PCSK5: variants seen among roughly 807,000 people sequenced by gnomAD.
PCSK5 encodes the protein proprotein convertase subtilisin/kexin type 5.
PCSK5 carries 129 observed loss-of-function variants against 233.2 expected under a neutral mutation model. The observed-to-expected ratio is 0.55, with a 90% CI of 0.48 to 0.64. The LOEUF is 0.64. Ranked by LOEUF, PCSK5 falls within the 30% of genes least tolerant of loss-of-function variation. The pLI, the probability that PCSK5 is intolerant of heterozygous loss-of-function variation, is 0.00. For missense variants in PCSK5, 2,076 were observed against 2,430.1 expected, an observed-to-expected ratio of 0.85 and a Z score of 3.06; for synonymous variants, 825 against 879.2, an observed-to-expected ratio of 0.94 and a Z score of 1.09.
At chr9:76,105,711 GA>G (rs989485343) in intron 8 of PCSK5, among the ~76,000 whole-genome samples, 2 of 152,156 alleles carry the variant, frequency 1.3e-5, no homozygotes, top group Non-Finnish European at 2.9e-5. Context: ...AAAACGTAGT[GA>G]AAGGTTTGAC....
chr9:76,068,014 T>G lies in PCSK5; in HGVS notation c.692T>G (p.Val231Gly). The change falls in exon 6 of 38, where the codon GTC (valine) becomes GGC (glycine). Residue 231 changes from valine to glycine, a missense_variant. Coordinates refer to ENST00000674117, the MANE Select transcript of PCSK5 (RefSeq NM_001372043.1). ...GCTGCAAACAATTCGCACTGCACAG[T>G]CGGAATTGCTTTCAACGCCAAGATC... Reference protein sequence around the residue: ...AAAANNSHCTVGIAFNAKIGG... With the variant: ...AAAANNSHCTGGIAFNAKIGG... The G allele has an allele frequency of 6.2e-7, 1 of 1,613,912 alleles. No homozygotes were observed. The highest frequency in any genetic ancestry group is 8.5e-7 in the Non-Finnish European group (1 of 1,179,846).
intron 20 of PCSK5, among the ~76,000 whole-genome samples, chr9:76,204,602 A>C (rs1346445513): frequency 6.6e-6 from 1 of 151,840 alleles, no homozygotes; most frequent in African/African-American, 2.4e-5. Context: ...CTGGAATCAC[A>C]GGTCCACAAT....
chr9:76,069,800 A>G (rs866589290), intron 6 of PCSK5, among the ~76,000 whole-genome samples: 3 of 152,132 alleles, frequency 2.0e-5, no homozygotes, highest in Non-Finnish European at 2.9e-5. Flanking sequence ...TTGTACCAAT[A>G]AAATAGTTTC....
intron 25 of PCSK5, among the ~76,000 whole-genome samples, chr9:76,294,703 T>C (rs1363086323): frequency 6.6e-6 from 1 of 152,060 alleles, no homozygotes; most frequent in African/African-American, 2.4e-5. Flanking sequence ...TAATCAGTAC[T>C]CTATAAATAA....
chr9:76,124,855 C>T (rs938686293), intron 9 of PCSK5, among the ~76,000 whole-genome samples: 1 of 151,782 alleles, frequency 6.6e-6, no homozygotes, highest in Non-Finnish European at 1.5e-5. Flanking sequence ...TTACTCTTTC[C>T]TGTGCATCCT....
intron 4 of PCSK5, among the ~76,000 whole-genome samples, chr9:76,024,403 G>A (rs1587513112): frequency 6.6e-6 from 1 of 152,124 alleles, no homozygotes; most frequent in Non-Finnish European, 1.5e-5. Context: ...CTGCATCTAA[G>A]TGCACTCAGA....
At chr9:76,141,100 G>A (rs1057186049) in intron 10 of PCSK5, among the ~76,000 whole-genome samples, 5 of 152,054 alleles carry the variant, frequency 3.3e-5, no homozygotes, top group Non-Finnish European at 7.4e-5. Flanking sequence ...GATATATGTC[G>A]TCAAGCTCTA....
intron 20 of PCSK5, among the ~76,000 whole-genome samples, chr9:76,202,139 G>A (rs779032163): frequency 3.3e-5 from 5 of 152,064 alleles, no homozygotes; most frequent in Non-Finnish European, 5.9e-5. Context: ...GGCAGAAACC[G>A]GAAGTCATCT....
intron 9 of PCSK5, among the ~76,000 whole-genome samples, chr9:76,121,233 A>G (rs1005351515): frequency 6.6e-6 from 1 of 151,856 alleles, no homozygotes; most frequent in Non-Finnish European, 1.5e-5. Flanking sequence ...GTGTTTCCGT[A>G]TCTGTTTAGA....
intron 30 of PCSK5, among the ~76,000 whole-genome samples, chr9:76,313,210 A>T (rs1172038039): frequency 6.6e-6 from 1 of 152,248 alleles, no homozygotes; most frequent in African/African-American, 2.4e-5. Context: ...ATTGAAGTCC[A>T]TGTGCTTAAC....
chr9:76,351,444 A>AAGGAAGG (rs1830122053), intron 36 of PCSK5, among the ~76,000 whole-genome samples: 1 of 28,138 alleles, frequency 3.6e-5, no homozygotes, highest in South Asian at 2.1e-3. Context: ...AATGTGAAAG[A>AAGGAAGG]AAGGAAAGAA....
At chr9:75,985,325 T>C (rs1175973182) in intron 2 of PCSK5, among the ~76,000 whole-genome samples, 1 of 152,232 alleles carries the variant, frequency 6.6e-6, no homozygotes, top group East Asian at 1.9e-4. Context: ...AACAAGCTTA[T>C]AACTAAATAT....
At chr9:75,974,276 G>A (rs965362634) in intron 2 of PCSK5, among the ~76,000 whole-genome samples, 1 of 152,092 alleles carries the variant, frequency 6.6e-6, no homozygotes, top group Admixed American at 6.5e-5. Flanking sequence ...AGCTCCAGCC[G>A]GTGCACTCAT....
intron 1 of PCSK5, among the ~76,000 whole-genome samples, chr9:75,924,900 C>T (rs139507846): frequency 5.7e-4 from 87 of 152,222 alleles, no homozygotes; most frequent in African/African-American, 1.4e-3. Context: ...TGTGTGGCCC[C>T]GGGCAGGTTC....
At position 76,301,145 on chromosome 9, in the gene PCSK5, A is replaced by G. The variant is rs12236206; in HGVS notation, c.3524-992A>G. Reference sequence around the variant, plus strand: ...AAATTAGCCAGGTGTGGTGGCACGCATCTGTAGTCTCAGCTACTTGGGAGG... The same window carrying G: ...AAATTAGCCAGGTGTGGTGGCACGCGTCTGTAGTCTCAGCTACTTGGGAGG... On this transcript the variant is annotated intron_variant, in intron 27 of 37. Transcript: ENST00000674117. 2.0e-5 allele frequency among the ~76,000 whole-genome samples: 3 copies of G among 151,946 alleles called. No individual in the cohort carries two copies. In the East Asian group the frequency reaches 5.8e-4, roughly 30 times the overall value.
intron 20 of PCSK5, chr9:76,193,700 A>ATT (rs71499135): frequency 5.5e-6 from 1 of 180,596 alleles, no homozygotes. Context: ...TTGAAGGTCC[A>ATT]TTTTTTTCCC....
At chr9:76,195,326 G>T (rs939982238) in intron 20 of PCSK5, 1 of 152,146 alleles carries the variant, frequency 6.6e-6, no homozygotes, top group Non-Finnish European at 1.5e-5. Flanking sequence ...AACTGAATCA[G>T]CCCATAATAT....
chr9:76,037,018 T>C (rs1187235983), intron 5 of PCSK5, among the ~76,000 whole-genome samples: 11 of 152,238 alleles, frequency 7.2e-5, no homozygotes, highest in Admixed American at 7.2e-4. Context: ...TAATACCATG[T>C]GTATGTGTAA....
At chr9:76,033,300 T>C (rs1244849922) in intron 5 of PCSK5, among the ~76,000 whole-genome samples, 1 of 152,208 alleles carries the variant, frequency 6.6e-6, no homozygotes, top group Non-Finnish European at 1.5e-5. Flanking sequence ...CAAACATTTT[T>C]TCTTTGTACC....
Sources: gnomAD v4.1 joint callset for allele counts (sites outside exome capture counted in the v4.1 genomes callset) on GRCh38, gnomAD v4.1.1 for gene constraint, MANE v1.5 for transcripts, NCBI Gene and HGNC (gene_info 2026-07-23, HGNC 2026-07-21) for gene names.